KIAA1671: variants seen among roughly 807,000 people sequenced by gnomAD.
KIAA1671 encodes uncharacterized protein KIAA1671.
KIAA1671 carries 52 observed loss-of-function variants against 131.2 expected under a neutral mutation model. That is an observed-to-expected ratio of 0.40 (90% confidence interval 0.32 to 0.50). The LOEUF is 0.50. KIAA1671 is among the 20% of genes least tolerant of loss of function. The pLI is 0.73. For synonymous variants in KIAA1671, 1,003 were observed against 961.6 expected (o/e 1.04, Z -0.80); for missense variants, 2,360 against 2,364.2 (o/e 1.00, Z 0.04).
intron 1 of KIAA1671, among the ~76,000 whole-genome samples, chr22:25,005,241 A>C (rs1305616637): frequency 6.8e-6 from 1 of 146,620 alleles, no homozygotes; most frequent in African/African-American, 2.5e-5. Flanking sequence ...CCAGCTACTC[A>C]GGAGGCTGAG....
chr22:25,153,086 C>T (rs1933103282), intron 6 of KIAA1671, among the ~76,000 whole-genome samples: 1 of 152,168 alleles, frequency 6.6e-6, no homozygotes, highest in Non-Finnish European at 1.5e-5. Context: ...TAGTTGCCTT[C>T]CCAGTAACTG....
rs1931420441 is a variant in KIAA1671, at chr22:25,112,521, T to G, written c.4531-58299T>G. ...AACACTGAAAGCTCCTCCCCTCCAGTCCTCCCAGGGAGGGGGTCCCAGACA... is the reference window on the plus strand; with the variant it reads ...AACACTGAAAGCTCCTCCCCTCCAGGCCTCCCAGGGAGGGGGTCCCAGACA... On this transcript the variant is annotated intron_variant, in intron 6 of 12. Coordinates refer to ENST00000358431, the MANE Select transcript of KIAA1671 (RefSeq NM_001145206.2). 7.5e-6 allele frequency: 3 copies of G among 397,882 alleles called. No homozygotes were observed. The East Asian group carries it at 1.1e-4, about 14-fold the overall frequency. The allele number at this position is 397,882 out of a possible 1,614,324, so 24.6% of individuals were successfully genotyped here.
At chr22:25,077,097 C>T (rs1269257353) in intron 6 of KIAA1671, among the ~76,000 whole-genome samples, 3 of 152,162 alleles carry the variant, frequency 2.0e-5, no homozygotes, top group African/African-American at 7.2e-5. Flanking sequence ...ACTTCCCAGC[C>T]TACAGGAAAG....
intron 6 of KIAA1671, among the ~76,000 whole-genome samples, chr22:25,079,285 A>G (rs999219631): frequency 1.3e-5 from 2 of 151,456 alleles, no homozygotes; most frequent in African/African-American, 2.4e-5. Context: ...GCTGGAGTGC[A>G]ATGGCACCAT....
chr22:25,153,534 T>C (rs2145981155), intron 6 of KIAA1671, among the ~76,000 whole-genome samples: 1 of 152,274 alleles, frequency 6.6e-6, no homozygotes, highest in East Asian at 1.9e-4. Context: ...ACCTGAAAAG[T>C]CCTGAGTTGG....
At chr22:24,970,537 G>A (rs1922544467) in intron 1 of KIAA1671, among the ~76,000 whole-genome samples, 1 of 152,008 alleles carries the variant, frequency 6.6e-6, no homozygotes, top group Admixed American at 6.6e-5. Flanking sequence ...TACCTAATAG[G>A]GTAGATGTGC....
At chr22:24,990,184 G>A (rs1010536589) in intron 1 of KIAA1671, among the ~76,000 whole-genome samples, 13 of 151,964 alleles carry the variant, frequency 8.6e-5, no homozygotes, top group East Asian at 1.9e-4. Context: ...TCTGCCTCCC[G>A]AGTTCAAGTG....
At chr22:25,070,104 C>A in intron 6 of KIAA1671, 1 of 353,502 alleles carries the variant, frequency 2.8e-6, no homozygotes, top group Non-Finnish European at 5.0e-6. Context: ...GAAGGATCCA[C>A]CCCTGGACCC....
intron 6 of KIAA1671, among the ~76,000 whole-genome samples, chr22:25,094,598 C>T (rs1456823493): frequency 2.0e-5 from 3 of 152,272 alleles, no homozygotes; most frequent in Non-Finnish European, 2.9e-5. Flanking sequence ...GGGCCTTCCT[C>T]CAGCAGCCTC....
chr22:25,104,705 A>G (rs1930897843), intron 6 of KIAA1671, among the ~76,000 whole-genome samples: 2 of 151,906 alleles, frequency 1.3e-5, no homozygotes, highest in Non-Finnish European at 2.9e-5. Context: ...TTCCCATAGC[A>G]TGTTATTCAC....
chr22:25,155,430 TGG>T (rs896949868), intron 6 of KIAA1671, among the ~76,000 whole-genome samples: 1 of 151,850 alleles, frequency 6.6e-6, no homozygotes, highest in African/African-American at 2.4e-5. Flanking sequence ...TATGTGTGTG[TGG>T]GGGGGTTTTT....
In KIAA1671 at chr22:25,065,443, C is replaced by G. The variant is rs551969226; in HGVS notation, c.4530+16079C>G. 9.7e-4 allele frequency among the ~76,000 whole-genome samples: 148 copies of G among 152,018 alleles called. 1 individual carries two copies. Among genetic ancestry groups the G allele is most frequent in the Non-Finnish European group, 1.7e-3 (114 of 67,998 alleles). The stretch of plus-strand genomic sequence containing the variant: ...CCTGCCCCGTCCCCACATAGGAATG[C>G]GGGCCACTTCTCACAGGCTGGAAGA... On this transcript the variant is annotated intron_variant, in intron 6 of 12. Coordinates refer to ENST00000358431, the MANE Select transcript of KIAA1671 (RefSeq NM_001145206.2).
chr22:25,061,326 C>G (rs1928147618), intron 6 of KIAA1671: 1 of 152,266 alleles, frequency 6.6e-6, no homozygotes, highest in East Asian at 1.9e-4. Flanking sequence ...TTCTGTGCCA[C>G]CTTCTCCAAG....
chr22:25,028,586 C>T lies in KIAA1671; in HGVS notation c.587C>T (p.Ser196Leu). 1.3e-6 allele frequency: 2 copies of T among 1,502,222 alleles called. No homozygotes were observed. The highest frequency in any genetic ancestry group is 1.8e-6 in the Non-Finnish European group (2 of 1,113,688). 93.1% of individuals were successfully genotyped at this position (1,502,222 alleles called of 1,614,324 possible). Residue 196 changes from serine to leucine, a missense_variant, in exon 3 of 13, where the codon TCA (serine) becomes TTA (leucine). This residue lies in a region of KIAA1671 where 1,185 missense variants were observed against 1,126.2 expected (regional missense o/e 1.05). Transcript: ENST00000358431. The part of the protein sequence containing the change: ...TQKPAGTLPR[S>L]APLSQDTKPP... ...AAGCCTGCGGGGACCCTTCCCCGGT[C>T]AGCTCCCCTGTCTCAGGACACAAAA... is the stretch of plus-strand genomic sequence containing the variant.
chr22:25,135,577 G>T (rs1369211186), intron 6 of KIAA1671, among the ~76,000 whole-genome samples: 1 of 152,048 alleles, frequency 6.6e-6, no homozygotes, highest in East Asian at 1.9e-4. Flanking sequence ...TCCCACTCTC[G>T]AAGTCTAAAG....
intron 6 of KIAA1671, among the ~76,000 whole-genome samples, chr22:25,077,645 C>T (rs1302775417): frequency 4.6e-5 from 7 of 152,156 alleles, no homozygotes; most frequent in Non-Finnish European, 8.8e-5. Context: ...GGTGCAGATC[C>T]CTCACCTGCC....
At chr22:25,074,514 A>AAAAG (rs761192547) in intron 6 of KIAA1671, among the ~76,000 whole-genome samples, 13,355 of 116,232 alleles carry the variant, frequency 0.11, 1,096 homozygotes, top group Non-Finnish European at 0.15. Context: ...AAAAAAAAAA[A>AAAAG]AAAGAAAGAA....
intron 9 of KIAA1671, among the ~76,000 whole-genome samples, chr22:25,178,946 C>CCCTGA (rs1934152473): frequency 6.6e-6 from 1 of 152,374 alleles, no homozygotes; most frequent in African/African-American, 2.4e-5. Flanking sequence ...AGAGGACCTG[C>CCCTGA]CCTGACCTGC....
chr22:25,105,993 T>C (rs1027849032), intron 6 of KIAA1671, among the ~76,000 whole-genome samples: 3 of 152,178 alleles, frequency 2.0e-5, no homozygotes, highest in Admixed American at 6.5e-5. Flanking sequence ...AGTGATGCAA[T>C]GTAATGCCTG....
Sources: allele counts gnomAD v4.1 joint callset (sites outside exome capture counted in the v4.1 genomes callset), GRCh38; gene constraint gnomAD v4.1.1; regional missense constraint gnomAD v4.1.1; transcripts MANE v1.5; gene names NCBI Gene and HGNC (gene_info 2026-07-23, HGNC 2026-07-21).